ZDHHC14: variants seen among roughly 807,000 people sequenced by gnomAD.
The protein encoded by ZDHHC14 is palmitoyltransferase ZDHHC14.
Under a neutral mutation model 47.7 loss-of-function variants are expected in ZDHHC14, and 16 were observed. The ratio of observed to expected loss-of-function variants is 0.34; its 90% CI spans 0.23 to 0.51. The LOEUF (loss-of-function observed/expected upper bound fraction) is 0.51, where lower values mean the gene tolerates loss of function less well. Among genes scored for constraint, ZDHHC14 ranks in the 20% least tolerant of loss-of-function variants. The pLI, the probability that ZDHHC14 is intolerant of heterozygous loss-of-function variation, is 0.97. For synonymous variants in ZDHHC14, 293 were observed against 278.9 expected, an observed-to-expected ratio of 1.05 and a Z score of -0.50; for missense variants, 515 against 662.5, an observed-to-expected ratio of 0.78 and a Z score of 2.44.
intron 1 of ZDHHC14, among the ~76,000 whole-genome samples, chr6:157,450,959 A>G (rs4709244): frequency 0.8 from 121,501 of 151,958 alleles, 48,765 homozygotes; most frequent in East Asian, 0.92. Context: ...AATAATTATC[A>G]TCAATGGTGG....
intron 5 of ZDHHC14, among the ~76,000 whole-genome samples, 192 bp from the exon 6 acceptor site, chr6:157,645,545 C>A (rs1285020399): frequency 2.0e-5 from 3 of 152,190 alleles, no homozygotes; most frequent in Non-Finnish European, 4.4e-5. Context: ...GGTGACACCC[C>A]CTGCCCTGAC....
At chr6:157,534,081 A>C (rs1006074247) in intron 1 of ZDHHC14, among the ~76,000 whole-genome samples, 1 of 152,208 alleles carries the variant, frequency 6.6e-6, no homozygotes, top group Non-Finnish European at 1.5e-5. Flanking sequence ...TTTCCTATAC[A>C]GAGTTTCCAG....
rs1163770978 is a variant in ZDHHC14 at position 157,672,737 on chromosome 6, A to G, written c.1082A>G (p.Gln361Arg). ...QSQSDMCDQD[Q>R]CIQSTKFVLQ... ...CCCGCTCTCCAGTGCGACCAAGACC[A>G]GTGCATTCAGAGCACCAAATTCGTT... The change falls in exon 9 of 9, where the codon CAG becomes CGG. Residue 361 changes from glutamine to arginine, a missense_variant. By Grantham distance (43) the Gln-to-Arg change is conservative. Around this residue, in one of 4 missense-constraint regions of ZDHHC14, gnomAD observed 221 missense variants for 233.6 expected, o/e 0.95. Coordinates refer to ENST00000359775, the MANE Select transcript of ZDHHC14 (RefSeq NM_024630.3). 1.9e-6 allele frequency: 3 copies of G among 1,583,912 alleles called. No homozygotes were observed. Among genetic ancestry groups the G allele is most frequent in the South Asian group, 1.1e-5 (1 of 90,512 alleles).
At chr6:157,544,589 G>A (rs1460064734) in intron 2 of ZDHHC14, among the ~76,000 whole-genome samples, 1 of 152,174 alleles carries the variant, frequency 6.6e-6, no homozygotes, top group Non-Finnish European at 1.5e-5. Flanking sequence ...GCGGAGGGTT[G>A]CAGTGAGCCA....
rs139585882 is a variant in ZDHHC14 at position 157,467,515 on chromosome 6, TTTTATTTATTTA to T, written c.246-75030_246-75019del. Among the ~76,000 whole-genome samples the T allele has an allele frequency of 5.7e-3, 781 of 136,336 alleles. 2 individuals are homozygous for T. The highest frequency in any genetic ancestry group is 0.012 in the South Asian group (48 of 3,922). The allele number at this position is 136,336 out of a possible 152,430, so 89.4% of individuals were successfully genotyped here. ...GTATCTATGAGTTCTTCATTCCTCA[TTTTATTTATTTA>T]TTTATTTATTTATTTATTTATTTAT... On this transcript the variant is annotated intron_variant, in intron 1 of 8. Coordinates refer to ENST00000359775, the MANE Select transcript of ZDHHC14 (RefSeq NM_024630.3).
rs1054072011 is a variant in ZDHHC14, at chr6:157,575,574, C to T, written c.407-17414C>T. The stretch of plus-strand genomic sequence containing the variant: ...CAGGACACAAGCTGCCCCCTGTGCC[C>T]GAAGTGCCTGGTTCCCTGCTCCCAG... On this transcript the variant is annotated intron_variant, in intron 2 of 8. Transcript: ENST00000359775. Among the ~76,000 whole-genome samples the T allele has an allele frequency of 4.6e-5, 7 of 152,260 alleles. No individual in the cohort carries two copies. The South Asian group carries it at 6.2e-4, about 14-fold the overall frequency.
chr6:157,427,273 A>C lies in ZDHHC14; in HGVS notation c.245+45007A>C, dbSNP rs112698238. ...TGTTCAGAAGCCAGTGTGATGGTTGATTTTAAACATAATACAGCAAGTGGG... is the reference window on the plus strand; with the variant it reads ...TGTTCAGAAGCCAGTGTGATGGTTGCTTTTAAACATAATACAGCAAGTGGG... On this transcript the variant is annotated intron_variant, in intron 1 of 8. Coordinates refer to ENST00000359775, the MANE Select transcript of ZDHHC14 (RefSeq NM_024630.3). This position sits in a 1 kb window ranked among gnomAD's most constrained non-coding sequence, Gnocchi z 4.4. 1.6e-4 allele frequency among the ~76,000 whole-genome samples: 25 copies of C among 152,258 alleles called. No individual in the cohort carries two copies. The highest frequency in any genetic ancestry group is 6.0e-4 in the African/African-American group (25 of 41,548).
At position 157,470,748 on chromosome 6, in the gene ZDHHC14, A is replaced by T. The variant is rs568989973; in HGVS notation, c.246-71837A>T. ...AAGAAAATTTAAAAATAGATACATTAATATCATGGTAGGCTAATACTACAT... is the reference window on the plus strand; with the variant it reads ...AAGAAAATTTAAAAATAGATACATTTATATCATGGTAGGCTAATACTACAT... On this transcript the variant is annotated intron_variant, in intron 1 of 8. Transcript: ENST00000359775. Among the ~76,000 whole-genome samples, 107 of 152,392 alleles carry T rather than the reference A, an allele frequency of 7.0e-4. 2 individuals carry two copies. Among genetic ancestry groups the T allele is most frequent in the South Asian group, 1.0e-3 (5 of 4,828 alleles).
intron 1 of ZDHHC14, among the ~76,000 whole-genome samples, chr6:157,499,053 GA>G (rs796706700): frequency 3.6e-4 from 51 of 143,300 alleles, no homozygotes; most frequent in Middle Eastern, 3.6e-3. Flanking sequence ...AACTTGAAGA[GA>G]AAAAAAAAAA....
intron 2 of ZDHHC14, among the ~76,000 whole-genome samples, chr6:157,583,883 A>T (rs147959620): frequency 0.011 from 1,680 of 150,270 alleles, 40 homozygotes; most frequent in African/African-American, 0.039. Flanking sequence ...CCACCAAGAG[A>T]TGCAGAGCCA....
At chr6:157,584,662 T>C (rs1460589877) in intron 2 of ZDHHC14, among the ~76,000 whole-genome samples, 1 of 152,164 alleles carries the variant, frequency 6.6e-6, no homozygotes, top group Non-Finnish European at 1.5e-5. Context: ...AGGAATTCTG[T>C]GTGAAACAAT....
intron 5 of ZDHHC14, among the ~76,000 whole-genome samples, chr6:157,637,407 G>A (rs927339602): frequency 1.2e-4 from 19 of 152,302 alleles, no homozygotes; most frequent in African/African-American, 4.6e-4. Context: ...CTAAACTCAA[G>A]ACCTCCCAGC....
At chr6:157,614,041 G>T (rs535223104) in intron 3 of ZDHHC14, among the ~76,000 whole-genome samples, 2 of 152,288 alleles carry the variant, frequency 1.3e-5, no homozygotes, top group East Asian at 3.9e-4. Flanking sequence ...CCTTCACCCA[G>T]TCAGCCTCGC....
intron 1 of ZDHHC14, among the ~76,000 whole-genome samples, chr6:157,421,474 C>T (rs1778102184): frequency 1.0e-5 from 1 of 99,170 alleles, no homozygotes; most frequent in Non-Finnish European, 1.8e-5. Flanking sequence ...TCCTGGGCTA[C>T]AGAGCCAGAC....
intron 1 of ZDHHC14, among the ~76,000 whole-genome samples, chr6:157,456,907 G>A (rs1166320182): frequency 1.3e-5 from 2 of 152,132 alleles, no homozygotes; most frequent in East Asian, 1.9e-4. Context: ...CAGCCCCTTC[G>A]GAAGGCCAAG....
chr6:157,670,243 G>A (rs566904145), intron 8 of ZDHHC14, among the ~76,000 whole-genome samples: 1 of 152,344 alleles, frequency 6.6e-6, no homozygotes, highest in East Asian at 1.9e-4. Context: ...TTGTGGTGAT[G>A]AGTGGAAAGG....
intron 2 of ZDHHC14, among the ~76,000 whole-genome samples, chr6:157,568,618 T>A (rs1177405450): frequency 6.6e-6 from 1 of 152,184 alleles, no homozygotes; most frequent in Non-Finnish European, 1.5e-5. Context: ...TCAGTATTCA[T>A]GAAAATTTCC....
chr6:157,492,205 C>T (rs1030098077), intron 1 of ZDHHC14, among the ~76,000 whole-genome samples: 1 of 124,046 alleles, frequency 8.1e-6, no homozygotes, highest in Non-Finnish European at 1.6e-5. Flanking sequence ...CCTCCGCCCC[C>T]GCCCCCCAGC....
intron 1 of ZDHHC14, among the ~76,000 whole-genome samples, chr6:157,533,143 G>A (rs1781423968): frequency 6.6e-6 from 1 of 152,088 alleles, no homozygotes; most frequent in East Asian, 1.9e-4. Flanking sequence ...TTTTTTAGAT[G>A]TCTCTTCATT....
Sources: gnomAD v4.1 joint callset for allele counts (sites outside exome capture counted in the v4.1 genomes callset) on GRCh38, gnomAD v4.1.1 for gene constraint, gnomAD v4.1.1 regional missense constraint, Gnocchi (gnomAD v3.1) non-coding constraint, MANE v1.5 for transcripts, NCBI Gene and HGNC (gene_info 2026-07-23, HGNC 2026-07-21) for gene names.